The following FAM83B variants were observed in gnomAD, a reference collection of about 807,000 sequenced individuals.
The protein encoded by FAM83B is scaffolding CK1 anchoring protein B, also known as protein FAM83B.
A neutral mutation model predicts 38.8 loss-of-function variants in FAM83B; 26 were observed. That is an observed-to-expected ratio of 0.67 (90% CI 0.49 to 0.93). The LOEUF (loss-of-function observed/expected upper bound fraction) is 0.93, where lower values mean the gene tolerates loss of function less well. Among genes scored for constraint, FAM83B ranks in the 40% least tolerant of loss-of-function variants. FAM83B has a pLI of 0.00. For missense variants in FAM83B, 1,237 were observed against 1,197.3 expected (o/e 1.03, Z -0.49); for synonymous variants, 419 against 423.1 (o/e 0.99, Z 0.12).
chr6:54,877,240 G>A lies in FAM83B; in HGVS notation c.444+6550G>A, dbSNP rs145998290. Among the ~76,000 whole-genome samples, 8 of 152,328 alleles carry A rather than the reference G, an allele frequency of 5.3e-5. No individual in the cohort carries two copies. In the East Asian group the frequency reaches 1.5e-3, roughly 29 times the overall value. On this transcript the variant is annotated intron_variant, in intron 2 of 4. Coordinates refer to ENST00000306858, the MANE Select transcript of FAM83B (RefSeq NM_001010872.3). ...GACTTAAGGCATTCTTTAGGCATTT[G>A]TTATAGAGGTGATAAGCTTAGGACC... is the stretch of plus-strand genomic sequence containing the variant.
chr6:54,852,969 ATTG>A lies in FAM83B; in HGVS notation c.-61+6149_-61+6151del, dbSNP rs200874452. ...TTTTCTTTTTTTAAGCTCATTGGCT[ATTG>A]TTGTTAGTGTATTTTATGCGTAGCC... On this transcript the variant is annotated intron_variant, in intron 1 of 4. Coordinates refer to ENST00000306858, the MANE Select transcript of FAM83B (RefSeq NM_001010872.3). Among the ~76,000 whole-genome samples the A allele has an allele frequency of 6.8e-3, 1,025 of 151,552 alleles. 8 individuals are homozygous for A. Among genetic ancestry groups the A allele is most frequent in the African/African-American group, 0.022 (894 of 41,232 alleles).
At chr6:54,900,734 A>G (rs980952730) in intron 2 of FAM83B, among the ~76,000 whole-genome samples, 6 of 152,166 alleles carry the variant, frequency 3.9e-5, no homozygotes, top group Admixed American at 6.5e-5. Context: ...AATTGACTCT[A>G]TAGCTTGCAG....
intron 2 of FAM83B, among the ~76,000 whole-genome samples, chr6:54,873,993 C>T (rs1381215407): frequency 6.6e-6 from 1 of 151,950 alleles, no homozygotes; most frequent in East Asian, 1.9e-4. Flanking sequence ...GTTAACCTTC[C>T]AGTCTCTTAT....
At chr6:54,853,891 A>T (rs7770409) in intron 1 of FAM83B, among the ~76,000 whole-genome samples, 99,686 of 152,138 alleles carry the variant, frequency 0.66, 33,713 homozygotes, top group African/African-American at 0.78. Flanking sequence ...CTGGAAAGAA[A>T]TCACCATTCT....
intron 2 of FAM83B, among the ~76,000 whole-genome samples, chr6:54,916,825 A>C (rs1561924198): frequency 1.3e-5 from 2 of 152,006 alleles, no homozygotes; most frequent in South Asian, 4.1e-4. Context: ...CAACTTCTAC[A>C]TTTTTCTACT....
chr6:54,940,722 C>G lies in FAM83B; in HGVS notation c.1751C>G (p.Pro584Arg). The change falls in exon 5 of 5, where the codon CCT becomes CGT. Residue 584 changes from proline (P) to arginine (R), a missense_variant. Pro to Arg is a moderately radical substitution (Grantham distance 103). Transcript: ENST00000306858. ...ACACCTAAAGAGGTCCCAGACACCC[C>G]TACGAATGTACAGCATTTGACAGAC... is the stretch of plus-strand genomic sequence containing the variant. ...SETPKEVPDT[P>R]TNVQHLTDKP... The G allele has an allele frequency of 6.2e-7, 1 of 1,614,014 alleles. No individual in the cohort carries two copies. Among genetic ancestry groups the G allele is most frequent in the African/African-American group, 1.3e-5 (1 of 75,020 alleles).
At chr6:54,855,605 G>A (rs183033614) in intron 1 of FAM83B, among the ~76,000 whole-genome samples, 2 of 152,088 alleles carry the variant, frequency 1.3e-5, no homozygotes, top group Non-Finnish European at 2.9e-5. Flanking sequence ...TTATGGAGTG[G>A]CTTTACTCCC....
At chr6:54,912,768 G>T (rs1005653395) in intron 2 of FAM83B, among the ~76,000 whole-genome samples, 1 of 151,896 alleles carries the variant, frequency 6.6e-6, no homozygotes, top group African/African-American at 2.4e-5. Flanking sequence ...ACCACCAAAG[G>T]TATGCTGTCT....
intron 2 of FAM83B, among the ~76,000 whole-genome samples, chr6:54,908,407 G>A (rs1413342713): frequency 6.6e-6 from 1 of 152,024 alleles, no homozygotes; most frequent in Non-Finnish European, 1.5e-5. Context: ...CCAAAGAAAA[G>A]AGCTCCTTCA....
intron 1 of FAM83B, among the ~76,000 whole-genome samples, chr6:54,862,154 T>G (rs2127573398): frequency 1.3e-5 from 2 of 152,352 alleles, no homozygotes; most frequent in Middle Eastern, 6.8e-3. Flanking sequence ...AATGTTTAAC[T>G]TCTACATACA....
chr6:54,861,467 G>A (rs1771580918), intron 1 of FAM83B, among the ~76,000 whole-genome samples: 1 of 152,128 alleles, frequency 6.6e-6, no homozygotes, highest in South Asian at 2.1e-4. Context: ...TGAGGTGGGA[G>A]GATCACTTGA....
At chr6:54,872,955 A>G (rs886464144) in intron 2 of FAM83B, among the ~76,000 whole-genome samples, 5 of 151,798 alleles carry the variant, frequency 3.3e-5, no homozygotes, top group African/African-American at 1.2e-4. Flanking sequence ...ACTGCCAAAT[A>G]TAAATTATAA....
chr6:54,944,512 G>A lies in FAM83B; in HGVS notation c.*2505G>A, dbSNP rs933112536. 3 of 152,192 alleles carry A rather than the reference G, an allele frequency of 2.0e-5. No homozygotes were observed. The highest frequency in any genetic ancestry group is 7.2e-5 in the African/African-American group (3 of 41,440). The allele number at this position is 152,192 out of a possible 1,614,324, so 9.4% of individuals were successfully genotyped here. On this transcript the variant is annotated 3_prime_UTR_variant, in exon 5 of 5. Transcript: ENST00000306858. The stretch of plus-strand genomic sequence containing the variant: ...TCCCTCTATTACAAGTTTGGGATTA[G>A]CCATAATTCTGACATGGTGTGTTCA...
chr6:54,898,319 CAG>C (rs957487520), intron 2 of FAM83B, among the ~76,000 whole-genome samples: 1 of 152,170 alleles, frequency 6.6e-6, no homozygotes, highest in African/African-American at 2.4e-5. Context: ...GCAGGAATAA[CAG>C]AATTTCCTGG....
chr6:54,865,049 A>G (rs1277140166), intron 1 of FAM83B, among the ~76,000 whole-genome samples: 1 of 152,232 alleles, frequency 6.6e-6, no homozygotes, highest in African/African-American at 2.4e-5. Context: ...ATTTAAGTTT[A>G]TTTAAAAATT....
intron 2 of FAM83B, among the ~76,000 whole-genome samples, chr6:54,878,375 A>G (rs1772046784): frequency 6.6e-6 from 1 of 152,224 alleles, no homozygotes; most frequent in African/African-American, 2.4e-5. Flanking sequence ...CTAATAAATA[A>G]GGAGTGCTAG....
Position 54,940,664 on chromosome 6 carries a change from A to T in FAM83B, c.1693A>T (p.Asn565Tyr). Reference protein sequence around the residue: ...EVNSCTTGSSNSTIIGSQGSE... With the variant: ...EVNSCTTGSSYSTIIGSQGSE... ...TAACAGTTGTACAACTGGCTCCTCA[A>T]ATTCAACTATCATTGGTTCTCAGGG... The change falls in exon 5 of 5, where the codon AAT becomes TAT. Residue 565 changes from asparagine (N) to tyrosine (Y), a missense_variant. Transcript: ENST00000306858. 6.2e-7 allele frequency: 1 copy of T among 1,614,018 alleles called. No homozygotes were observed. Among genetic ancestry groups the T allele is most frequent in the Admixed American group, 1.7e-5 (1 of 59,966 alleles).
intron 1 of FAM83B, among the ~76,000 whole-genome samples, chr6:54,855,901 A>G (rs1771436082): frequency 1.3e-5 from 2 of 152,358 alleles, no homozygotes; most frequent in Admixed American, 6.5e-5. Context: ...TAGAAATTCC[A>G]TTGTCTCCCA....
chr6:54,859,770 A>G (rs952543691), intron 1 of FAM83B, among the ~76,000 whole-genome samples: 1 of 152,086 alleles, frequency 6.6e-6, no homozygotes, highest in Admixed American at 6.6e-5. Flanking sequence ...TTTAGTTTGG[A>G]TATTCTGTAC....
Sources: gnomAD v4.1 joint callset for allele counts (sites outside exome capture counted in the v4.1 genomes callset) on GRCh38, gnomAD v4.1.1 for gene constraint, MANE v1.5 for transcripts, NCBI Gene and HGNC (gene_info 2026-07-23, HGNC 2026-07-21) for gene names.